Variants in MRLN observed in about 807,000 individuals in gnomAD.
MRLN encodes Linc-RNA activator of myogenesis.
At chr10:59,741,373 ACTTT>A (rs1359337127) in intron 1 of MRLN, among the ~76,000 whole-genome samples, 1 of 151,802 alleles carries the variant, frequency 6.6e-6, no homozygotes, top group African/African-American at 2.4e-5. Context: ...TTTTTTATTT[ACTTT>A]CTTATTTTAT....
At chr10:59,747,309 G>T (rs1038211577) in intron 1 of MRLN, among the ~76,000 whole-genome samples, 1 of 152,180 alleles carries the variant, frequency 6.6e-6, no homozygotes, top group East Asian at 1.9e-4. Context: ...GACAGAGTTT[G>T]AATCTCAGGT....
chr10:59,750,154 C>T (rs1293061115), intron 1 of MRLN, among the ~76,000 whole-genome samples: 1 of 148,544 alleles, frequency 6.7e-6, no homozygotes, highest in African/African-American at 2.5e-5. Flanking sequence ...CTCACTGCAA[C>T]CTCCGCCTCC....
At chr10:59,740,606 T>C (rs888464515) in intron 1 of MRLN, among the ~76,000 whole-genome samples, 2 of 152,126 alleles carry the variant, frequency 1.3e-5, no homozygotes, top group Non-Finnish European at 2.9e-5. Flanking sequence ...AAAAAGCTTA[T>C]AGAATTAGGA....
intron 1 of MRLN, among the ~76,000 whole-genome samples, chr10:59,746,168 T>C (rs907365215): frequency 6.6e-6 from 1 of 152,222 alleles, no homozygotes; most frequent in Non-Finnish European, 1.5e-5. Flanking sequence ...ATTTTCTTTT[T>C]TAATAAAAAT....
At chr10:59,751,594 T>C (rs1171593) in intron 1 of MRLN, among the ~76,000 whole-genome samples, 142,649 of 149,986 alleles carry the variant, frequency 0.95, 67,939 homozygotes, top group East Asian at 1. Flanking sequence ...CACTTGAGCC[T>C]GGGAGGTGGA....
chr10:59,741,075 GA>G (rs1840979002), intron 1 of MRLN, among the ~76,000 whole-genome samples: 1 of 152,196 alleles, frequency 6.6e-6, no homozygotes, highest in Non-Finnish European at 1.5e-5. Flanking sequence ...TGAGATTACA[GA>G]GGTGAGCCAC....
intron 1 of MRLN, chr10:59,739,076 T>C (rs1306994689): frequency 6.6e-6 from 1 of 151,134 alleles, no homozygotes; most frequent in Non-Finnish European, 1.5e-5. Context: ...TAAGCCGAGA[T>C]GGTGCCACTG....
chr10:59,744,457 C>T (rs1165972563), intron 1 of MRLN, among the ~76,000 whole-genome samples: 14 of 150,698 alleles, frequency 9.3e-5, no homozygotes, highest in East Asian at 7.9e-4. Flanking sequence ...GGGGAGCAGC[C>T]GCGCCCGGCC....
intron 1 of MRLN, among the ~76,000 whole-genome samples, chr10:59,740,056 A>G (rs947128055): frequency 1.3e-5 from 2 of 151,464 alleles, no homozygotes; most frequent in Non-Finnish European, 2.9e-5. Context: ...GCGCCACTGC[A>G]CTCCAGCCTG....
chr10:59,744,008 C>T (rs920573282), intron 1 of MRLN, among the ~76,000 whole-genome samples: 2 of 152,130 alleles, frequency 1.3e-5, no homozygotes, highest in African/African-American at 4.8e-5. Context: ...GATCTCGGCT[C>T]GCTACAACCG....
intron 1 of MRLN, among the ~76,000 whole-genome samples, chr10:59,744,584 C>T (rs940281492): frequency 6.6e-6 from 1 of 152,280 alleles, no homozygotes; most frequent in Non-Finnish European, 1.5e-5. Context: ...GCCCCTCTGC[C>T]CAGCCGCCAC....
chr10:59,739,186 T>C (rs1231479309), intron 1 of MRLN: 1 of 151,858 alleles, frequency 6.6e-6, no homozygotes, highest in Non-Finnish European at 1.5e-5. Context: ...AAGGCTTTAA[T>C]ATCTTCATGA....
chr10:59,745,206 A>G (rs1841031401), intron 1 of MRLN, among the ~76,000 whole-genome samples: 3 of 152,186 alleles, frequency 2.0e-5, no homozygotes, highest in African/African-American at 7.2e-5. Flanking sequence ...GAGAATAGCT[A>G]TTTAACAGCA....
At chr10:59,748,372 C>T (rs952431027) in intron 1 of MRLN, among the ~76,000 whole-genome samples, 7 of 152,176 alleles carry the variant, frequency 4.6e-5, no homozygotes, top group African/African-American at 1.7e-4. Flanking sequence ...TTCAATTCTG[C>T]CCGAAGTTGA....
chr10:59,751,634 C>T (rs1198513985), intron 1 of MRLN, among the ~76,000 whole-genome samples: 1 of 139,960 alleles, frequency 7.1e-6, no homozygotes, highest in African/African-American at 2.7e-5. Flanking sequence ...CAAGCCACTG[C>T]ACTCCAGCCT....
rs185678645 is a variant in MRLN, at chr10:59,736,736, C to G, written c.*324G>C. Reference sequence around the variant, plus strand: ...GGTTGCTCAGGCCCGTATCGAACTCCTGCACTCAAGGGATCCGCCTACCTG... The same window carrying G: ...GGTTGCTCAGGCCCGTATCGAACTCGTGCACTCAAGGGATCCGCCTACCTG... On this transcript the variant is annotated 3_prime_UTR_variant, in exon 3 of 3. Transcript: ENST00000414264. 1.5e-3 allele frequency: 236 copies of G among 156,332 alleles called. 3 individuals are homozygous for G. Among genetic ancestry groups the G allele is most frequent in the African/African-American group, 5.5e-3 (230 of 41,752 alleles). 9.7% of individuals were successfully genotyped at this position (156,332 alleles called of 1,614,324 possible).
At chr10:59,737,282 C>A in intron 2 of MRLN, 62 bp from the exon 3 acceptor site, 1 of 384,384 alleles carries the variant, frequency 2.6e-6, no homozygotes. Context: ...TCTTTCAACT[C>A]AATCTAATAT....
At chr10:59,750,062 C>CTTT (rs71006289) in intron 1 of MRLN, among the ~76,000 whole-genome samples, 25 of 58,824 alleles carry the variant, frequency 4.2e-4, no homozygotes, top group African/African-American at 5.5e-4. Context: ...CTCTCTCTCT[C>CTTT]TTTTTTTTTT....
At position 59,745,021 on chromosome 10, in the gene MRLN, A is replaced by G. The variant is rs138368892; in HGVS notation, c.-124-6459T>C. ...AGGAAAACCGGAGACCTTTGTTCAC[A>G]TGTTTATCTGCTGACCTTCCCTCCA... On this transcript the variant is annotated intron_variant, in intron 1 of 2. Transcript: ENST00000414264. Among the ~76,000 whole-genome samples the G allele has an allele frequency of 6.2e-4, 95 of 152,192 alleles. 1 individual carries two copies. In the East Asian group the frequency reaches 0.012, roughly 19 times the overall value.
Sources: gnomAD v4.1 joint callset for allele counts (sites outside exome capture counted in the v4.1 genomes callset) on GRCh38, gnomAD v4.1.1 for gene constraint, MANE v1.5 for transcripts, NCBI Gene and HGNC (gene_info 2026-07-23, HGNC 2026-07-21) for gene names.